Variants in WDR7 observed in about 807,000 individuals in gnomAD.
WDR7 encodes WD repeat domain 7, also known as WD repeat-containing protein 7.
Under a neutral mutation model 169.4 loss-of-function variants are expected in WDR7, and 46 were observed. The observed-to-expected ratio is 0.27, with a 90% confidence interval of 0.21 to 0.35. The LOEUF (loss-of-function observed/expected upper bound fraction) is 0.35, where lower values mean the gene tolerates loss of function less well. WDR7 is among the 10% of genes least tolerant of loss of function. The pLI is 1.00. For missense variants in WDR7, 1,534 were observed against 1,859.3 expected, an observed-to-expected ratio of 0.83 and a Z score of 3.22; for synonymous variants, 612 against 666.8, an observed-to-expected ratio of 0.92 and a Z score of 1.27.
chr18:56,839,554 ACT>A (rs2045448734), intron 20 of WDR7, among the ~76,000 whole-genome samples: 1 of 152,192 alleles, frequency 6.6e-6, no homozygotes. Context: ...ATTGACACAA[ACT>A]CTATAGTATT....
chr18:56,760,145 G>C (rs1256370405), intron 16 of WDR7, among the ~76,000 whole-genome samples: 1 of 152,136 alleles, frequency 6.6e-6, no homozygotes, highest in Non-Finnish European at 1.5e-5. Context: ...GCTTGCATGT[G>C]TGAAATATAA....
intron 19 of WDR7, among the ~76,000 whole-genome samples, chr18:56,814,918 C>T (rs998683468): frequency 1.3e-5 from 2 of 152,026 alleles, no homozygotes; most frequent in African/African-American, 2.4e-5. Flanking sequence ...AGTAGTGGTA[C>T]CAAAATGGTG....
chr18:56,840,979 T>C (rs554642247), intron 20 of WDR7, among the ~76,000 whole-genome samples: 1 of 150,430 alleles, frequency 6.6e-6, no homozygotes, highest in East Asian at 2.0e-4. Flanking sequence ...TCACATGAGG[T>C]CACAAGTTTG....
At chr18:56,837,267 C>T (rs868676987) in intron 20 of WDR7, among the ~76,000 whole-genome samples, 9 of 152,238 alleles carry the variant, frequency 5.9e-5, no homozygotes, top group Middle Eastern at 3.4e-3. Flanking sequence ...CAAAATTAGT[C>T]ATTGTGACCA....
intron 20 of WDR7, among the ~76,000 whole-genome samples, chr18:56,837,392 A>G (rs2045412003): frequency 6.6e-6 from 1 of 152,216 alleles, no homozygotes; most frequent in African/African-American, 2.4e-5. Flanking sequence ...ATCAGCTGTC[A>G]TCACCAACAA....
intron 19 of WDR7, among the ~76,000 whole-genome samples, chr18:56,794,302 C>CTCTTTTTTTTTTTT (rs1217568621): frequency 3.4e-5 from 1 of 29,464 alleles, no homozygotes; most frequent in African/African-American, 7.8e-5. Flanking sequence ...AAGGTAAAGT[C>CTCTTTTTTTTTTTT]TATTTTTTTT....
chr18:56,694,054 G>C (rs1284753804), intron 9 of WDR7, among the ~76,000 whole-genome samples: 2 of 149,964 alleles, frequency 1.3e-5, no homozygotes, highest in Non-Finnish European at 3.0e-5. Context: ...TTTTTTTCCT[G>C]TAGAGACAGG....
At chr18:56,779,619 C>A in intron 18 of WDR7, 70 bp downstream of exon 18, 1 of 1,118,330 alleles carries the variant, frequency 8.9e-7, no homozygotes, top group Admixed American at 2.1e-5. Context: ...AAACTTGAAA[C>A]AAAAATGATT....
At chr18:56,762,226 T>C (rs1233230225) in intron 16 of WDR7, among the ~76,000 whole-genome samples, 1 of 152,040 alleles carries the variant, frequency 6.6e-6, no homozygotes, top group Non-Finnish European at 1.5e-5. Context: ...TGATTTAATA[T>C]TTTTTATTTA....
At chr18:56,902,642 T>C (rs1393808329) in intron 21 of WDR7, among the ~76,000 whole-genome samples, 1 of 152,184 alleles carries the variant, frequency 6.6e-6, no homozygotes, top group African/African-American at 2.4e-5. Flanking sequence ...GATGGTCAAA[T>C]ATTGGCTATT....
In WDR7 at chr18:56,976,186, C is replaced by G. The variant is rs542059100; in HGVS notation, c.4164+13657C>G. On this transcript the variant is annotated intron_variant, in intron 26 of 27. Coordinates refer to ENST00000254442, the MANE Select transcript of WDR7 (RefSeq NM_015285.3). ...CTGGGTGAAGAAAAAGAGTAAGAAT[C>G]ATGACAAATAGCAAGCAGATTTTGA... is the stretch of plus-strand genomic sequence containing the variant. 2.6e-5 allele frequency among the ~76,000 whole-genome samples: 4 copies of G among 152,230 alleles called. No homozygotes were observed. The East Asian group carries it at 7.7e-4, about 29-fold the overall frequency.
At position 57,005,978 on chromosome 18, in the gene WDR7, C is replaced by T. The variant is rs115431441; in HGVS notation, c.4165-14767C>T. On this transcript the variant is annotated intron_variant, in intron 26 of 27. Coordinates refer to ENST00000254442, the MANE Select transcript of WDR7 (RefSeq NM_015285.3). The stretch of plus-strand genomic sequence containing the variant: ...AAATTATTTTTGCTAATGCAAAGTT[C>T]ATATATAAAGTCTTTTAAGCCTCAG... Among the ~76,000 whole-genome samples the T allele has an allele frequency of 9.7e-3, 1,482 of 152,268 alleles. 32 individuals are homozygous for T. The highest frequency in any genetic ancestry group is 0.034 in the African/African-American group (1,428 of 41,538).
chr18:56,771,663 C>G (rs1437597285), intron 16 of WDR7, among the ~76,000 whole-genome samples: 3 of 150,452 alleles, frequency 2.0e-5, no homozygotes, highest in Non-Finnish European at 2.9e-5. Context: ...GGGCAGATCA[C>G]CTGAGGTCTG....
the WDR7 span, chr18:57,035,729 A>T: frequency 6.6e-6 from 1 of 152,316 alleles, no homozygotes; most frequent in Admixed American, 6.5e-5. Flanking sequence ...GGTGGGTGCA[A>T]TCATCATAAT....
chr18:56,936,169 T>C (rs1599172215), intron 23 of WDR7: 1 of 395,928 alleles, frequency 2.5e-6, no homozygotes, highest in Non-Finnish European at 4.5e-6. Flanking sequence ...CATTTTTCAA[T>C]CTGAATTACA....
At chr18:56,732,382 T>C (rs2026605747) in intron 14 of WDR7, among the ~76,000 whole-genome samples, 1 of 152,208 alleles carries the variant, frequency 6.6e-6, no homozygotes, top group Admixed American at 6.5e-5. Context: ...AAATATTCAT[T>C]AGAGTTATTA....
intron 23 of WDR7, among the ~76,000 whole-genome samples, chr18:56,938,250 G>A (rs1457494513): frequency 6.6e-6 from 1 of 152,094 alleles, no homozygotes; most frequent in Non-Finnish European, 1.5e-5. Context: ...AGTTCCAAAT[G>A]TACCAAATTC....
At chr18:57,011,770 A>G (rs1489446991) in intron 26 of WDR7, among the ~76,000 whole-genome samples, 2 of 152,118 alleles carry the variant, frequency 1.3e-5, no homozygotes, top group Non-Finnish European at 2.9e-5. Flanking sequence ...ACTATAGGAG[A>G]TAGTACACCC....
At chr18:56,682,623 T>C in intron 4 of WDR7, 56 bp from the exon 5 acceptor site, 3 of 1,545,312 alleles carry the variant, frequency 1.9e-6, no homozygotes, top group Non-Finnish European at 2.6e-6. Context: ...ATTAATCAAG[T>C]ATCTAAATTA....
Sources: gnomAD v4.1 joint callset for allele counts (sites outside exome capture counted in the v4.1 genomes callset) on GRCh38, gnomAD v4.1.1 for gene constraint, MANE v1.5 for transcripts, NCBI Gene and HGNC (gene_info 2026-07-23, HGNC 2026-07-21) for gene names.